RAD51B: variants seen among roughly 807,000 people sequenced by gnomAD.
The protein encoded by RAD51B is RAD51 paralog B.
Under a neutral mutation model 42.2 loss-of-function variants are expected in RAD51B, and 38 were observed. The observed-to-expected ratio is 0.90, with a 90% confidence interval of 0.70 to 1.18. RAD51B has a LOEUF of 1.18. RAD51B is among the 50% of genes most tolerant of loss of function. RAD51B has a pLI of 0.00. For missense variants in RAD51B, 373 were observed against 400.7 expected, an observed-to-expected ratio of 0.93 and a Z score of 0.59; for synonymous variants, 154 against 145.2, an observed-to-expected ratio of 1.06 and a Z score of -0.43.
downstream of RAD51B, among the ~76,000 whole-genome samples, chr14:68,479,595 A>G (rs182513417): frequency 2.7e-5 from 4 of 148,108 alleles, no homozygotes; most frequent in African/African-American, 1.0e-4. Flanking sequence ...CTGACTGTCT[A>G]CTCTTCATCA....
Position 68,221,633 on chromosome 14 carries a change from C to T in RAD51B, c.757-70251C>T, listed in dbSNP as rs1004698900. The stretch of plus-strand genomic sequence containing the variant: ...TTCTAGACACTGGCTTAGGCAAAGA[C>T]TTCATGACCAAGAACCCAAAAGCAA... On this transcript the variant is annotated intron_variant, in intron 7 of 10. Transcript: ENST00000471583. Among the ~76,000 whole-genome samples the T allele has an allele frequency of 3.3e-5, 5 of 152,266 alleles. No homozygotes were observed. In the South Asian group the frequency reaches 8.3e-4, roughly 25 times the overall value.
chr14:68,118,807 ATG>A (rs980380190), intron 7 of RAD51B, among the ~76,000 whole-genome samples: 35 of 147,398 alleles, frequency 2.4e-4, no homozygotes, highest in East Asian at 1.9e-3. Context: ...GTGTGTGCAC[ATG>A]TGTGTGTGTG....
At chr14:68,099,570 G>A (rs889010077) in intron 7 of RAD51B, among the ~76,000 whole-genome samples, 2 of 152,080 alleles carry the variant, frequency 1.3e-5, no homozygotes, top group African/African-American at 4.8e-5. Flanking sequence ...CAGTTAAGTT[G>A]TAAAATTTTA....
At chr14:68,545,881 T>C (rs961223198) in intron 10 of RAD51B, among the ~76,000 whole-genome samples, 26 of 152,128 alleles carry the variant, frequency 1.7e-4, no homozygotes, top group Non-Finnish European at 3.7e-4. Flanking sequence ...CTTTGTTCTG[T>C]AGGTAATGAG....
Position 68,349,140 on chromosome 14 carries a change from C to CT in RAD51B, c.853+57167dup, listed in dbSNP as rs142140513. On this transcript the variant is annotated intron_variant, in intron 8 of 10. Transcript: ENST00000471583. ...CTACATGTCACAAAATTTTTTTTGT[C>CT]TTTTTTTCAGCTATTTAAAACTGTA... Among the ~76,000 whole-genome samples, 110 of 151,938 alleles carry CT rather than the reference C, an allele frequency of 7.2e-4. No individual in the cohort carries two copies. In the East Asian group the frequency reaches 0.017, roughly 24 times the overall value.
chr14:68,464,504 G>C (rs561285021), intron 9 of RAD51B, among the ~76,000 whole-genome samples: 3 of 152,150 alleles, frequency 2.0e-5, no homozygotes, highest in African/African-American at 4.8e-5. Flanking sequence ...CATATTTGTT[G>C]TATGGGTGTA....
chr14:68,032,566 T>C (rs1451573215), intron 7 of RAD51B, among the ~76,000 whole-genome samples: 4 of 152,192 alleles, frequency 2.6e-5, no homozygotes, highest in African/African-American at 7.2e-5. Context: ...AGAGTTCTGA[T>C]AATTCTGCTG....
intron 10 of RAD51B, among the ~76,000 whole-genome samples, chr14:68,629,240 G>C (rs1892169237): frequency 6.6e-6 from 1 of 152,192 alleles, no homozygotes; most frequent in South Asian, 2.1e-4. Context: ...CCCTGCCCTT[G>C]TCTTGCTGGC....
chr14:68,161,915 A>T (rs2078647212), intron 7 of RAD51B, among the ~76,000 whole-genome samples: 1 of 152,170 alleles, frequency 6.6e-6, no homozygotes, highest in African/African-American at 2.4e-5. Flanking sequence ...TTCTGGAGAC[A>T]TTTTTTTATT....
At chr14:68,062,604 G>A (rs1260153789) in intron 7 of RAD51B, among the ~76,000 whole-genome samples, 1 of 151,866 alleles carries the variant, frequency 6.6e-6, no homozygotes, top group African/African-American at 2.4e-5. Flanking sequence ...GACCAGCCTG[G>A]CCAATATGGT....
intron 7 of RAD51B, among the ~76,000 whole-genome samples, chr14:67,954,459 T>C (rs150404720): frequency 6.6e-6 from 1 of 152,298 alleles, no homozygotes; most frequent in African/African-American, 2.4e-5. Context: ...TGAAAGAATT[T>C]CAGTGAGAGG....
chr14:68,102,114 G>GCAC (rs2077300771), intron 7 of RAD51B, among the ~76,000 whole-genome samples: 1 of 152,190 alleles, frequency 6.6e-6, no homozygotes, highest in Non-Finnish European at 1.5e-5. Flanking sequence ...GGGACACAGG[G>GCAC]CACCATGTCC....
chr14:68,398,435 C>G (rs1161992679), intron 8 of RAD51B, among the ~76,000 whole-genome samples: 1 of 152,100 alleles, frequency 6.6e-6, no homozygotes, highest in Non-Finnish European at 1.5e-5. Flanking sequence ...AAAGCTGACC[C>G]TTGTTTGGTG....
intron 7 of RAD51B, among the ~76,000 whole-genome samples, chr14:68,086,449 C>T (rs2076986875): frequency 6.6e-6 from 1 of 152,160 alleles, no homozygotes; most frequent in Non-Finnish European, 1.5e-5. Flanking sequence ...AACATTTGGG[C>T]ACCAAGGCAG....
chr14:68,421,999 G>A, intron 9 of RAD51B: 7 of 1,526,926 alleles, frequency 4.6e-6, no homozygotes, highest in Non-Finnish European at 6.4e-6. Context: ...TGACTTCACA[G>A]TCACCACCCT....
At chr14:68,258,304 G>A (rs756612937) in intron 7 of RAD51B, among the ~76,000 whole-genome samples, 1 of 152,058 alleles carries the variant, frequency 6.6e-6, no homozygotes, top group Non-Finnish European at 1.5e-5. Context: ...AAGAGGCTGA[G>A]GCGGGAGGAT....
intron 11 of RAD51B, among the ~76,000 whole-genome samples, chr14:68,654,346 G>A (rs1402785283): frequency 6.6e-6 from 1 of 152,390 alleles, no homozygotes; most frequent in East Asian, 1.9e-4. Context: ...AGATGAGGCT[G>A]TGGGGACACC....
At chr14:67,946,038 G>A (rs1171963967) in intron 7 of RAD51B, among the ~76,000 whole-genome samples, 1 of 152,106 alleles carries the variant, frequency 6.6e-6, no homozygotes, top group Non-Finnish European at 1.5e-5. Context: ...CTTAGAGGAA[G>A]GGCTGTTTGG....
chr14:68,671,018 T>C (rs1009938275), intron 11 of RAD51B, among the ~76,000 whole-genome samples: 2 of 152,176 alleles, frequency 1.3e-5, no homozygotes, highest in African/African-American at 2.4e-5. Flanking sequence ...CGTCTGCTGC[T>C]GGCCCCCCCA....
Sources: allele counts gnomAD v4.1 joint callset (sites outside exome capture counted in the v4.1 genomes callset), GRCh38; gene constraint gnomAD v4.1.1; transcripts MANE v1.5; gene names NCBI Gene and HGNC (gene_info 2026-07-23, HGNC 2026-07-21).